SLC30A7: variants seen among roughly 807,000 people sequenced by gnomAD.
SLC30A7 encodes zinc transporter 7.
Under a neutral mutation model 46.0 loss-of-function variants are expected in SLC30A7, and 35 were observed. That is an observed-to-expected ratio of 0.76 (90% CI 0.58 to 1.01). The LOEUF (loss-of-function observed/expected upper bound fraction) is 1.01. Ranked by LOEUF, SLC30A7 falls within the 50% of genes least tolerant of loss-of-function variation. SLC30A7 has a pLI of 0.00. For synonymous variants in SLC30A7, 147 were observed against 157.8 expected (o/e 0.93, Z 0.51); for missense variants, 464 against 451.1 (o/e 1.03, Z -0.26).
At chr1:100,967,591 TG>T (rs1413776206) in intron 10 of SLC30A7, among the ~76,000 whole-genome samples, 1 of 152,186 alleles carries the variant, frequency 6.6e-6, no homozygotes, top group African/African-American at 2.4e-5. Context: ...TTTGATACCA[TG>T]GGGAATACAG....
rs188825008 is a variant in SLC30A7 at position 100,931,899 on chromosome 1, A to G, written c.842+10058A>G. ...AGCCAAAAACTCCTCAAAAAGTCAA[A>G]TAAGAAGAGCTGTGTACAAACACCA... On this transcript the variant is annotated intron_variant, in intron 8 of 10. Transcript: ENST00000357650. 2.0e-5 allele frequency among the ~76,000 whole-genome samples: 3 copies of G among 152,318 alleles called. No homozygotes were observed. In the East Asian group the frequency reaches 5.8e-4, roughly 29 times the overall value.
chr1:100,913,239 A>C (rs1652248692), intron 5 of SLC30A7, among the ~76,000 whole-genome samples: 1 of 152,118 alleles, frequency 6.6e-6, no homozygotes, highest in Non-Finnish European at 1.5e-5. Flanking sequence ...ATGTCTTGTT[A>C]ATCTTTGTTA....
chr1:100,967,743 G>A (rs1655941979), intron 10 of SLC30A7, among the ~76,000 whole-genome samples: 1 of 152,128 alleles, frequency 6.6e-6, no homozygotes. Context: ...TGTCATGAAA[G>A]GAGAAAAAGG....
intron 8 of SLC30A7, among the ~76,000 whole-genome samples, chr1:100,939,686 A>T (rs1305680300): frequency 2.6e-5 from 4 of 151,568 alleles, no homozygotes; most frequent in Non-Finnish European, 5.9e-5. Flanking sequence ...AAAAAAAAAA[A>T]AAAATACAAA....
chr1:100,924,687 A>G (rs1353308883), intron 8 of SLC30A7, among the ~76,000 whole-genome samples: 1 of 151,912 alleles, frequency 6.6e-6, no homozygotes, highest in Non-Finnish European at 1.5e-5. Context: ...AAAGAAAAAA[A>G]AAATTGGTAC....
intron 8 of SLC30A7, chr1:100,941,776 G>A (rs908429468): frequency 3.6e-5 from 22 of 619,366 alleles, no homozygotes; most frequent in South Asian, 4.2e-5. Flanking sequence ...AGTGGCATAC[G>A]TGACAAACCC....
chr1:100,909,363 A>G (rs1651928722), intron 3 of SLC30A7, among the ~76,000 whole-genome samples: 1 of 152,014 alleles, frequency 6.6e-6, no homozygotes, highest in African/African-American at 2.4e-5. Context: ...GTCTTGCCAC[A>G]CTCTTATTTT....
intron 3 of SLC30A7, among the ~76,000 whole-genome samples, chr1:100,909,086 A>G (rs1277792171): frequency 6.6e-6 from 1 of 151,732 alleles, no homozygotes; most frequent in Non-Finnish European, 1.5e-5. Context: ...CTTTTGGGAA[A>G]GATTAAAGAA....
chr1:100,969,712 TTATTTCA>T (rs372583934), intron 10 of SLC30A7, among the ~76,000 whole-genome samples: 5 of 152,324 alleles, frequency 3.3e-5, no homozygotes, highest in African/African-American at 1.2e-4. Context: ...CAAGTCTACT[TTATTTCA>T]TTCCTTGCAG....
chr1:100,986,853 TTCAC>T, the SLC30A7 span, among the ~76,000 whole-genome samples: 1 of 152,202 alleles, frequency 6.6e-6, no homozygotes, highest in Non-Finnish European at 1.5e-5. Context: ...GGAATAGTGT[TTCAC>T]TACATGATAA....
Position 100,918,137 on chromosome 1 carries a change from G to A in SLC30A7, c.706+10G>A. 6.2e-7 allele frequency: 1 copy of A among 1,609,336 alleles called. No homozygotes were observed. On this transcript the variant is annotated intron_variant, in intron 7 of 10. Transcript: ENST00000357650. ...AGACAGATTTTACAAGGTATGACAAGCAATTTTTATGTTTCTTAGTTTTTT... is the reference window on the plus strand; with the variant it reads ...AGACAGATTTTACAAGGTATGACAAACAATTTTTATGTTTCTTAGTTTTTT...
intron 9 of SLC30A7, among the ~76,000 whole-genome samples, chr1:100,963,740 C>T (rs1244895424): frequency 6.6e-6 from 1 of 152,148 alleles, no homozygotes; most frequent in Non-Finnish European, 1.5e-5. Flanking sequence ...TTCTTTTTAA[C>T]TTAATTTCCA....
chr1:100,949,534 T>TGC (rs1266004422), intron 8 of SLC30A7, among the ~76,000 whole-genome samples: 1 of 152,220 alleles, frequency 6.6e-6, no homozygotes, highest in African/African-American at 2.4e-5. Flanking sequence ...GGAGAACCAC[T>TGC]GCTCTCTTCA....
rs1042161558 is a variant in SLC30A7, at chr1:100,976,900, A to G, written c.*2043A>G. 2.6e-5 allele frequency: 4 copies of G among 152,676 alleles called. No individual in the cohort carries two copies. Among genetic ancestry groups the G allele is most frequent in the Middle Eastern group, 3.4e-3 (1 of 294 alleles). 9.5% of individuals were successfully genotyped at this position (152,676 alleles called of 1,614,324 possible). A position where few individuals can be genotyped will look rare whatever the true frequency, so the allele number is the denominator to read the frequency against. On this transcript the variant is annotated 3_prime_UTR_variant, in exon 11 of 11. Transcript: ENST00000357650. ...CTTACTGCCAGGTGGTTTGAAATCTATGATTTACTGCAGTAGTATGTGCTT... is the reference window on the plus strand; with the variant it reads ...CTTACTGCCAGGTGGTTTGAAATCTGTGATTTACTGCAGTAGTATGTGCTT...
intron 8 of SLC30A7, among the ~76,000 whole-genome samples, chr1:100,944,974 C>T (rs1244225623): frequency 1.3e-5 from 2 of 152,050 alleles, no homozygotes; most frequent in Non-Finnish European, 2.9e-5. Flanking sequence ...TTTTAATGAT[C>T]GCCATTCTAA....
At chr1:100,942,582 A>G (rs1654413240) in intron 8 of SLC30A7, among the ~76,000 whole-genome samples, 1 of 152,244 alleles carries the variant, frequency 6.6e-6, no homozygotes. Flanking sequence ...GCTTTATTCA[A>G]GTGAAAAGCT....
At chr1:100,918,830 G>A (rs960962378) in intron 7 of SLC30A7, among the ~76,000 whole-genome samples, 4 of 148,070 alleles carry the variant, frequency 2.7e-5, no homozygotes, top group Non-Finnish European at 6.1e-5. Flanking sequence ...GGGAGCTGCC[G>A]CCTGCTGTTG....
intron 8 of SLC30A7, among the ~76,000 whole-genome samples, chr1:100,948,075 A>G (rs550701916): frequency 6.6e-6 from 1 of 152,248 alleles, no homozygotes; most frequent in Non-Finnish European, 1.5e-5. Context: ...TTATGTGTGA[A>G]TTTGATCCTG....
Position 100,977,610 on chromosome 1 carries a change from C to T in SLC30A7, c.*2753C>T, listed in dbSNP as rs1341464305. On this transcript the variant is annotated 3_prime_UTR_variant, in exon 11 of 11. Coordinates refer to ENST00000357650, the MANE Select transcript of SLC30A7 (RefSeq NM_133496.5). ...TAAAAAAACCAAACAAAACTCGTAT[C>T]TGAGTGTAACTTTGCCAATATTTTA... The T allele has an allele frequency of 6.6e-6, 1 of 152,154 alleles. No homozygotes were observed. Among genetic ancestry groups the T allele is most frequent in the African/African-American group, 2.4e-5 (1 of 41,432 alleles). The allele number at this position is 152,154 out of a possible 1,614,324, so 9.4% of individuals were successfully genotyped here.
Sources: gnomAD v4.1 joint callset for allele counts (sites outside exome capture counted in the v4.1 genomes callset) on GRCh38, gnomAD v4.1.1 for gene constraint, MANE v1.5 for transcripts, NCBI Gene and HGNC (gene_info 2026-07-23, HGNC 2026-07-21) for gene names.